RANBP2: variants seen among roughly 807,000 people sequenced by gnomAD.
RANBP2 encodes the protein RAN binding protein 2, also known as E3 SUMO-protein ligase RanBP2.
Under a neutral mutation model 303.6 loss-of-function variants are expected in RANBP2, and 57 were observed. That is an observed-to-expected ratio of 0.19 (90% CI 0.15 to 0.23). The LOEUF (loss-of-function observed/expected upper bound fraction) is 0.23, where lower values mean the gene tolerates loss of function less well. Among genes scored for constraint, RANBP2 ranks in the 10% least tolerant of loss-of-function variants. RANBP2 has a pLI of 1.00. For missense variants in RANBP2, 3,138 were observed against 3,780.8 expected, an observed-to-expected ratio of 0.83 and a Z score of 4.46; for synonymous variants, 1,167 against 1,301.5, an observed-to-expected ratio of 0.90 and a Z score of 2.23.
the RANBP2 span, among the ~76,000 whole-genome samples, chr2:109,505,050 T>C: frequency 1.3e-5 from 2 of 152,204 alleles, no homozygotes; most frequent in Non-Finnish European, 2.9e-5. Flanking sequence ...GGTATTAACC[T>C]CGGAGACCAG....
the RANBP2 span, among the ~76,000 whole-genome samples, chr2:109,450,732 C>T: frequency 1.3e-5 from 2 of 152,180 alleles, no homozygotes; most frequent in African/African-American, 4.8e-5. Context: ...GCTCAGGGCC[C>T]ATGCACTGCC....
At chr2:109,593,091 G>C in the RANBP2 span, 2 of 1,599,384 alleles carry the variant, frequency 1.3e-6, no homozygotes, top group East Asian at 4.5e-5. Context: ...CATACAAGTT[G>C]TTTTCGTTGC....
chr2:109,515,228 C>A, the RANBP2 span, among the ~76,000 whole-genome samples: 9 of 152,198 alleles, frequency 5.9e-5, no homozygotes, highest in African/African-American at 2.2e-4. Context: ...CACCCAGCAC[C>A]CCATGATGGC....
At chr2:109,510,615 G>A in the RANBP2 span, among the ~76,000 whole-genome samples, 1 of 152,186 alleles carries the variant, frequency 6.6e-6, no homozygotes, top group Non-Finnish European at 1.5e-5. Flanking sequence ...CTTCATTTCT[G>A]TTCCTAGCCG....
At chr2:109,615,981 AG>A in the RANBP2 span, 4 of 1,543,210 alleles carry the variant, frequency 2.6e-6, no homozygotes, top group Non-Finnish European at 2.6e-6. Flanking sequence ...GCTGGAGGGC[AG>A]GGGGGAGGAG....
the RANBP2 span, among the ~76,000 whole-genome samples, chr2:109,194,164 C>T: frequency 2.6e-5 from 4 of 152,260 alleles, no homozygotes; most frequent in Non-Finnish European, 5.9e-5. Flanking sequence ...CCAAGCCCTT[C>T]CCAGCACTGG....
the RANBP2 span, among the ~76,000 whole-genome samples, chr2:108,958,610 A>G: frequency 1.3e-5 from 2 of 152,140 alleles, no homozygotes; most frequent in African/African-American, 4.8e-5. Flanking sequence ...ATTGCTCGGG[A>G]CAGCTAGCTC....
At chr2:108,949,585 C>CT in the RANBP2 span, among the ~76,000 whole-genome samples, 114 of 151,676 alleles carry the variant, frequency 7.5e-4, no homozygotes, top group African/African-American at 2.5e-3. Flanking sequence ...ATCATAAAAT[C>CT]TTTTTTTTTC....
intron 12 of RANBP2, among the ~76,000 whole-genome samples, chr2:108,752,485 T>C (rs1174601427): frequency 6.6e-6 from 1 of 151,668 alleles, no homozygotes; most frequent in Non-Finnish European, 1.5e-5. Context: ...AAAAGTTGAG[T>C]GTAGAGGCCG....
the RANBP2 span, among the ~76,000 whole-genome samples, chr2:109,284,285 T>C: frequency 6.6e-6 from 1 of 152,336 alleles, no homozygotes; most frequent in Non-Finnish European, 1.5e-5. Context: ...TTCACTGTAT[T>C]AGTAGCCATG....
chr2:109,613,178 A>G, the RANBP2 span: 1 of 1,288,802 alleles, frequency 7.8e-7, no homozygotes, highest in Non-Finnish European at 1.0e-6. Flanking sequence ...TTGTAACCAC[A>G]CTTGGAAAAC....
chr2:109,351,601 C>CT, the RANBP2 span, among the ~76,000 whole-genome samples: 1 of 152,240 alleles, frequency 6.6e-6, no homozygotes, highest in African/African-American at 2.4e-5. Flanking sequence ...GCAGGGCCCA[C>CT]GCTGCTTTTC....
At chr2:109,206,156 T>C in the RANBP2 span, among the ~76,000 whole-genome samples, 1 of 152,134 alleles carries the variant, frequency 6.6e-6, no homozygotes, top group Non-Finnish European at 1.5e-5. Flanking sequence ...TAGAATGTTA[T>C]TCTGGGGACA....
the RANBP2 span, among the ~76,000 whole-genome samples, chr2:109,266,453 C>T: frequency 2.0e-5 from 3 of 152,166 alleles, no homozygotes; most frequent in African/African-American, 4.8e-5. Context: ...ACAAGGGACA[C>T]CTATGTTTGG....
chr2:109,631,553 C>T, the RANBP2 span, among the ~76,000 whole-genome samples: 12 of 152,090 alleles, frequency 7.9e-5, no homozygotes, highest in African/African-American at 2.4e-4. Context: ...GTCAGGAGTT[C>T]GAGACCAACC....
chr2:109,108,586 C>T, the RANBP2 span, among the ~76,000 whole-genome samples: 4 of 152,210 alleles, frequency 2.6e-5, no homozygotes, highest in African/African-American at 9.7e-5. Context: ...GCAGCTGACA[C>T]ACTGCTGCCT....
the RANBP2 span, among the ~76,000 whole-genome samples, chr2:108,817,729 C>A: frequency 1.3e-5 from 2 of 152,164 alleles, no homozygotes; most frequent in African/African-American, 4.8e-5. Context: ...CCCTTAGCCT[C>A]CAGAAAGGAA....
the RANBP2 span, among the ~76,000 whole-genome samples, chr2:109,375,574 A>G: frequency 3.9e-5 from 6 of 152,340 alleles, no homozygotes; most frequent in African/African-American, 1.2e-4. Context: ...GAATTTCAGA[A>G]GGCGCTTGTT....
At chr2:108,758,283 C>G in intron 17 of RANBP2, 130 bp from the exon 18 acceptor site, 1 of 1,399,268 alleles carries the variant, frequency 7.1e-7, no homozygotes, top group South Asian at 1.5e-5. Flanking sequence ...GACGACAGAT[C>G]GAGACACCAT....
Sources: allele counts gnomAD v4.1 joint callset (sites outside exome capture counted in the v4.1 genomes callset), GRCh38; gene constraint gnomAD v4.1.1; transcripts MANE v1.5; gene names NCBI Gene and HGNC (gene_info 2026-07-23, HGNC 2026-07-21).